Variants in DLG2 observed in about 807,000 individuals in gnomAD.
The protein encoded by DLG2 is disks large homolog 2.
A neutral mutation model predicts 132.5 loss-of-function variants in DLG2; 45 were observed. That is an observed-to-expected ratio of 0.34 (90% confidence interval 0.27 to 0.44). The LOEUF is 0.44. Among genes scored for constraint, DLG2 ranks in the 20% least tolerant of loss-of-function variants. The pLI is 1.00. For synonymous variants in DLG2, 424 were observed against 419.6 expected, an observed-to-expected ratio of 1.01 and a Z score of -0.13; for missense variants, 1,045 against 1,196.9, an observed-to-expected ratio of 0.87 and a Z score of 1.87.
intron 7 of DLG2, among the ~76,000 whole-genome samples, chr11:84,471,313 T>G (rs2099107770): frequency 6.6e-6 from 1 of 151,724 alleles, no homozygotes; most frequent in South Asian, 2.1e-4. Context: ...CTTTCCTCCT[T>G]ATTTGTAATT....
At chr11:84,769,076 G>GA (rs1426552019) in intron 6 of DLG2, among the ~76,000 whole-genome samples, 2 of 152,076 alleles carry the variant, frequency 1.3e-5, no homozygotes, top group Non-Finnish European at 2.9e-5. Context: ...CTGACACTAT[G>GA]AAAAATCTGA....
chr11:83,960,191 T>C (rs1211154635), intron 14 of DLG2, among the ~76,000 whole-genome samples: 1 of 152,092 alleles, frequency 6.6e-6, no homozygotes, highest in Non-Finnish European at 1.5e-5. Flanking sequence ...AAGTACTAAT[T>C]AGAGTCATAT....
intron 3 of DLG2, among the ~76,000 whole-genome samples, chr11:85,584,380 GTA>G (rs1481272148): frequency 1.6e-5 from 2 of 127,076 alleles, no homozygotes; most frequent in Non-Finnish European, 3.4e-5. Context: ...GTGTGTGTGT[GTA>G]TCACATTTTC....
At chr11:83,647,290 T>A (rs1300500021) in intron 18 of DLG2, among the ~76,000 whole-genome samples, 4 of 151,960 alleles carry the variant, frequency 2.6e-5, no homozygotes, top group African/African-American at 9.7e-5. Flanking sequence ...CGGGGGTATG[T>A]CTCACAATTC....
intron 6 of DLG2, among the ~76,000 whole-genome samples, chr11:84,868,744 C>G (rs1954977): frequency 1 from 152,321 of 152,322 alleles, 76,160 homozygotes; most frequent in Middle Eastern, 1. Context: ...AGCTCAGCGA[C>G]GTTGCCAATA....
chr11:84,661,458 T>C (rs1320985143), intron 6 of DLG2, among the ~76,000 whole-genome samples: 3 of 152,184 alleles, frequency 2.0e-5, no homozygotes, highest in Non-Finnish European at 4.4e-5. Context: ...GAAATAGACC[T>C]AATGCTCACA....
chr11:83,811,929 T>C (rs184163008), intron 17 of DLG2, among the ~76,000 whole-genome samples: 163 of 152,196 alleles, frequency 1.1e-3, no homozygotes, highest in African/African-American at 3.7e-3. Flanking sequence ...ACTGGGAGTG[T>C]GTAGAAGTGT....
chr11:84,695,071 T>C (rs981025220), intron 6 of DLG2, among the ~76,000 whole-genome samples: 9 of 151,652 alleles, frequency 5.9e-5, no homozygotes, highest in Middle Eastern at 3.4e-3. Context: ...ATTAAAAAAA[T>C]ATGCTTCGGT....
At chr11:84,859,323 C>G (rs1179648023) in intron 6 of DLG2, among the ~76,000 whole-genome samples, 2 of 137,032 alleles carry the variant, frequency 1.5e-5, no homozygotes, top group East Asian at 2.0e-4. Context: ...ATATGTATAT[C>G]TACATATATA....
intron 6 of DLG2, among the ~76,000 whole-genome samples, chr11:84,804,257 G>T (rs2075751214): frequency 6.6e-6 from 1 of 152,186 alleles, no homozygotes; most frequent in African/African-American, 2.4e-5. Flanking sequence ...TTGCCAGCCA[G>T]AATTTGTAGC....
At chr11:83,664,698 C>T (rs1234021549) in intron 18 of DLG2, among the ~76,000 whole-genome samples, 1 of 152,148 alleles carries the variant, frequency 6.6e-6, no homozygotes, top group African/African-American at 2.4e-5. Context: ...TTAAAGAGTG[C>T]ATCACCCTTC....
At chr11:85,489,877 G>A (rs543964646) in intron 3 of DLG2, among the ~76,000 whole-genome samples, 2 of 46,252 alleles carry the variant, frequency 4.3e-5, no homozygotes, top group African/African-American at 9.8e-5. Context: ...TTCTTTGAAA[G>A]GACATGCAAA....
chr11:84,939,595 T>G (rs2049144780), intron 6 of DLG2, among the ~76,000 whole-genome samples: 1 of 152,146 alleles, frequency 6.6e-6, no homozygotes, highest in African/African-American at 2.4e-5. Context: ...TCCTAGCCAC[T>G]GGTAACCATC....
chr11:85,560,874 A>T (rs1426119998), intron 3 of DLG2, among the ~76,000 whole-genome samples: 1 of 151,082 alleles, frequency 6.6e-6, no homozygotes, highest in Non-Finnish European at 1.5e-5. Context: ...TCTACAAAAA[A>T]TTTAAAAATT....
chr11:83,693,263 A>C (rs536274233), intron 18 of DLG2, among the ~76,000 whole-genome samples: 1 of 152,290 alleles, frequency 6.6e-6, no homozygotes, highest in Non-Finnish European at 1.5e-5. Context: ...GCATGAGTGC[A>C]CACAGGAAAA....
At chr11:85,523,739 A>C (rs1461561994) in intron 3 of DLG2, among the ~76,000 whole-genome samples, 1 of 152,228 alleles carries the variant, frequency 6.6e-6, no homozygotes, top group Non-Finnish European at 1.5e-5. Flanking sequence ...GTACATACCC[A>C]AAAGAAAGAA....
chr11:85,308,392 A>C (rs2080102757), intron 3 of DLG2, among the ~76,000 whole-genome samples: 2 of 152,022 alleles, frequency 1.3e-5, no homozygotes, highest in Admixed American at 1.3e-4. Context: ...AGACTAAGTC[A>C]CTAAGATTCT....
chr11:85,443,710 C>A (rs973364844), intron 3 of DLG2, among the ~76,000 whole-genome samples: 1 of 152,120 alleles, frequency 6.6e-6, no homozygotes, highest in Non-Finnish European at 1.5e-5. Context: ...CAAAATTCTG[C>A]AAATGAAAGA....
intron 11 of DLG2, among the ~76,000 whole-genome samples, chr11:83,994,525 G>C (rs930129954): frequency 5.3e-5 from 8 of 152,062 alleles, no homozygotes; most frequent in African/African-American, 1.4e-4. Context: ...GAGCACCACT[G>C]TACCCAGCTT....
Sources: allele counts gnomAD v4.1 joint callset (sites outside exome capture counted in the v4.1 genomes callset), GRCh38; gene constraint gnomAD v4.1.1; transcripts MANE v1.5; gene names NCBI Gene and HGNC (gene_info 2026-07-23, HGNC 2026-07-21).